Variants in GIMAP5 observed in about 807,000 individuals in gnomAD.
GIMAP5 encodes the protein GTPase, IMAP family member 5.
In GIMAP5, 8 loss-of-function variants were observed where a neutral mutation model predicts 9.9. The ratio of observed to expected loss-of-function variants is 0.81; its 90% confidence interval spans 0.47 to 1.45. The LOEUF is 1.45. Ranked by LOEUF, GIMAP5 falls within the 40% of genes most tolerant of loss-of-function variation. The pLI is 0.00. For synonymous variants in GIMAP5, 174 were observed against 151.4 expected (o/e 1.15, Z -1.09); for missense variants, 353 against 367.4 (o/e 0.96, Z 0.32).
chr7:150,737,728 T>C lies in GIMAP5; in HGVS notation c.-7+20T>C. 6.6e-7 allele frequency: 1 copy of C among 1,524,612 alleles called. No individual in the cohort carries two copies. The highest frequency in any genetic ancestry group is 8.8e-7 in the Non-Finnish European group (1 of 1,137,472). 94.4% of individuals were successfully genotyped at this position (1,524,612 alleles called of 1,614,324 possible). ...TTTCTGGTAAGGAGAACTGGGTTTA[T>C]GCTCACAGAGACTTTGGGAATTGAA... On this transcript the variant is annotated intron_variant, in intron 1 of 2. Coordinates refer to ENST00000358647, the MANE Select transcript of GIMAP5 (RefSeq NM_018384.5).
intron 2 of GIMAP5, 34 bp downstream of exon 2, chr7:150,740,961 A>T (rs1454013718): frequency 3.7e-6 from 6 of 1,611,512 alleles, no homozygotes; most frequent in Non-Finnish European, 5.1e-6. Context: ...AGAGCCCCAG[A>T]CACTTGGGAG....
rs1446692319 is a variant in GIMAP5 at position 150,742,544 on chromosome 7, A to C, written c.405A>C (p.Lys135Asn). ...AQDTVAIRKV[K>N]EVFGTGAMRH... ...ACACAGTGGCCATCAGGAAGGTGAA[A>C]GAGGTCTTTGGGACAGGGGCCATGA... Residue 135 changes from lysine (K) to asparagine (N), a missense_variant, in exon 3 of 3, where the codon AAA becomes AAC. By Grantham distance (94) the Lys-to-Asn change is moderately conservative. Transcript: ENST00000358647. 6.2e-7 allele frequency: 1 copy of C among 1,614,010 alleles called. No individual in the cohort carries two copies. The highest frequency in any genetic ancestry group is 1.7e-5 in the Admixed American group (1 of 59,994).
Position 150,742,195 on chromosome 7 carries a change from A to AT in GIMAP5, c.57dup (p.Asn20Ter). 1.2e-6 allele frequency: 2 copies of AT among 1,613,796 alleles called. No homozygotes were observed. Among genetic ancestry groups the AT allele is most frequent in the Non-Finnish European group, 1.7e-6 (2 of 1,179,722 alleles). On this transcript the variant is annotated frameshift_variant, in exon 3 of 3. Transcript: ENST00000358647. LOFTEE classifies it high-confidence loss of function. ...TCGTTTTCTACAGGTAGATCAGAAG[A>AT]TAACTTGTCTGCAACACCACCGGCA...
rs773424993 is a variant in GIMAP5, at chr7:150,742,787, C to A, written c.648C>A (p.Gly216=). The change falls in exon 3 of 3, where the codon GGC becomes GGA. Residue 216 remains glycine, a synonymous_variant. Coordinates refer to ENST00000358647, the MANE Select transcript of GIMAP5 (RefSeq NM_018384.5). ...AGAGGCTGGGGAGGGAGCGAGAGGG[C>A]TCCTTCCACAGCAATGACCTCTTCT... ...VIERLGRERE[G]SFHSNDLFLD... 6 of 1,613,996 alleles carry A rather than the reference C, an allele frequency of 3.7e-6. No individual in the cohort carries two copies. The highest frequency in any genetic ancestry group is 5.1e-6 in the Non-Finnish European group (6 of 1,180,022).
At chr7:150,737,733 AC>A (rs1292430390) in intron 1 of GIMAP5, 25 bp downstream of exon 1, 1 of 1,516,850 alleles carries the variant, frequency 6.6e-7, no homozygotes, top group Non-Finnish European at 8.8e-7. Context: ...GTTTATGCTC[AC>A]AGAGACTTTG....
chr7:150,742,713 TC>T lies in GIMAP5; in HGVS notation c.575del (p.Ser192LeufsTer15). 6.2e-7 allele frequency: 1 copy of T among 1,614,120 alleles called. No individual in the cohort carries two copies. The highest frequency in any genetic ancestry group is 8.5e-7 in the Non-Finnish European group (1 of 1,180,000). On this transcript the variant is annotated frameshift_variant, in exon 3 of 3. Coordinates refer to ENST00000358647, the MANE Select transcript of GIMAP5 (RefSeq NM_018384.5). LOFTEE classifies it low-confidence loss of function (END_TRUNC). The stretch of plus-strand genomic sequence containing the variant: ...GTACTGTGCCTTCAACAACTGGGGC[TC>T]TGTGGAGGAGCAGAGGCAGCAGCAG... Reference protein sequence around the residue: ...RRYCAFNNWGSVEEQRQQQAE... With the variant: ...RRYCAFNNWGXVEEQRQQQAE...
intron 1 of GIMAP5, chr7:150,738,470 A>G (rs1797548808): frequency 6.6e-6 from 1 of 152,220 alleles, no homozygotes; most frequent in African/African-American, 2.4e-5. Flanking sequence ...GATCTTTTCT[A>G]AAATAGTATG....
intron 1 of GIMAP5, 81 bp downstream of exon 1, chr7:150,737,789 C>A: frequency 8.6e-7 from 1 of 1,161,066 alleles, no homozygotes; most frequent in Non-Finnish European, 1.2e-6. Context: ...TCATTTCTGA[C>A]ATGACCTTGC....
rs1324212057 is a variant in GIMAP5 at position 150,737,684 on chromosome 7, G to A, written c.-31G>A. 1.3e-6 allele frequency: 2 copies of A among 1,535,570 alleles called. No individual in the cohort carries two copies. The highest frequency in any genetic ancestry group is 2.4e-5 in the East Asian group (1 of 40,934). ...GAGCCTCAGTGACTGCCACCCTGGA[G>A]GACAGGGCACAACAACCGTTTCTGG... On this transcript the variant is annotated 5_prime_UTR_variant, in exon 1 of 3. Transcript: ENST00000358647.
rs1797626708 is a variant in GIMAP5 at position 150,742,970 on chromosome 7, CTT to C, written c.832_833del (p.Leu278AspfsTer6). ...AYKALLRVKH[L>X]MLLHYEIFVF... is the part of the protein sequence containing the mutation. ...ACAAGGCGCTCCTCAGAGTCAAACACTTGATGCTTTTGCATTATGAGATTTTT... is the reference window on the plus strand; with the variant it reads ...ACAAGGCGCTCCTCAGAGTCAAACACGATGCTTTTGCATTATGAGATTTTT... On this transcript the variant is annotated frameshift_variant, in exon 3 of 3. Transcript: ENST00000358647. LOFTEE classifies it low-confidence loss of function (END_TRUNC). The C allele has an allele frequency of 6.2e-7, 1 of 1,614,092 alleles. No homozygotes were observed. The highest frequency in any genetic ancestry group is 1.3e-5 in the African/African-American group (1 of 74,930).
chr7:150,742,678 G>T lies in GIMAP5; in HGVS notation c.539G>T (p.Cys180Phe), dbSNP rs779012038. 2 of 1,614,246 alleles carry T rather than the reference G, an allele frequency of 1.2e-6. No individual in the cohort carries two copies. The highest frequency in any genetic ancestry group is 1.7e-6 in the Non-Finnish European group (2 of 1,180,042). ...NCSLKDLVRE[C>F]ERRYCAFNNW... ...AGCCTGAAAGACCTGGTGCGGGAGT[G>T]TGAGAGAAGGTACTGTGCCTTCAAC... Residue 180 changes from cysteine to phenylalanine, a missense_variant, in exon 3 of 3, where the codon TGT becomes TTT. Physicochemically the swap from Cys to Phe is radical, Grantham distance 205. Transcript: ENST00000358647.
At position 150,742,696 on chromosome 7, in the gene GIMAP5, C is replaced by G; in HGVS notation, c.557C>G (p.Ala186Gly). Reference sequence around the variant, plus strand: ...CGGGAGTGTGAGAGAAGGTACTGTGCCTTCAACAACTGGGGCTCTGTGGAG... The same window carrying G: ...CGGGAGTGTGAGAGAAGGTACTGTGGCTTCAACAACTGGGGCTCTGTGGAG... ...LVRECERRYC[A>G]FNNWGSVEEQ... The change falls in exon 3 of 3, where the codon GCC (alanine) becomes GGC (glycine). Residue 186 changes from alanine (A) to glycine (G), a missense_variant. Ala to Gly is a moderately conservative substitution (Grantham distance 60, BLOSUM62 0). Transcript: ENST00000358647. 1 of 1,614,190 alleles carries G rather than the reference C, an allele frequency of 6.2e-7. No individual in the cohort carries two copies. Among genetic ancestry groups the G allele is most frequent in the Non-Finnish European group, 8.5e-7 (1 of 1,180,038 alleles).
Position 150,743,508 on chromosome 7 carries a change from C to T in GIMAP5, c.*445C>T, listed in dbSNP as rs777491411. ...AGTTGGGGCCCCCTGAGCCCTGAGC[C>T]ACCAGCCCTGCAGCCTGCCCTATCT... On this transcript the variant is annotated 3_prime_UTR_variant, in exon 3 of 3. Transcript: ENST00000358647. 1 of 160,836 alleles carries T rather than the reference C, an allele frequency of 6.2e-6. No individual in the cohort carries two copies. 10.0% of individuals were successfully genotyped at this position (160,836 alleles called of 1,614,324 possible).
chr7:150,737,692 C>A lies in GIMAP5; in HGVS notation c.-23C>A. 1 of 1,535,546 alleles carries A rather than the reference C, an allele frequency of 6.5e-7. No homozygotes were observed. The highest frequency in any genetic ancestry group is 8.7e-7 in the Non-Finnish European group (1 of 1,146,772). ...GTGACTGCCACCCTGGAGGACAGGG[C>A]ACAACAACCGTTTCTGGTAAGGAGA... is the stretch of plus-strand genomic sequence containing the variant. On this transcript the variant is annotated 5_prime_UTR_variant, in exon 1 of 3. Transcript: ENST00000358647.
Position 150,740,821 on chromosome 7 carries a change from G to C in GIMAP5, c.-6-58G>C, listed in dbSNP as rs150490020. On this transcript the variant is annotated intron_variant, in intron 1 of 2. Coordinates refer to ENST00000358647, the MANE Select transcript of GIMAP5 (RefSeq NM_018384.5). ...GATGTCTGAATTGAGGTGCCCTCAG[G>C]CTCTACCAGCTCCCAAACGTACATC... 442 of 1,567,290 alleles carry C rather than the reference G, an allele frequency of 2.8e-4. No homozygotes were observed. In the African/African-American group the frequency reaches 5.6e-3, roughly 20 times the overall value.
At position 150,737,967 on chromosome 7, in the gene GIMAP5, C is replaced by G; in HGVS notation, c.-7+259C>G. ...GGCTTTGCTGCCCCATTGCCCATTA[C>G]TTAGCCAAGTCGATCTCCATGAAAC... On this transcript the variant is annotated intron_variant, in intron 1 of 2. Coordinates refer to ENST00000358647, the MANE Select transcript of GIMAP5 (RefSeq NM_018384.5). 7.4e-6 allele frequency: 4 copies of G among 537,492 alleles called. No individual in the cohort carries two copies. In the South Asian group the frequency reaches 8.3e-5, roughly 11 times the overall value. 33.3% of individuals were successfully genotyped at this position (537,492 alleles called of 1,614,324 possible).
At position 150,742,843 on chromosome 7, in the gene GIMAP5, C is replaced by T. The variant is rs1313948583; in HGVS notation, c.704C>T (p.Ala235Val). The T allele has an allele frequency of 3.7e-6, 6 of 1,614,058 alleles. No individual in the cohort carries two copies. Among genetic ancestry groups the T allele is most frequent in the African/African-American group, 1.3e-5 (1 of 74,912 alleles). ...GCCCAGCTGCTCCAAAGAACTGGAG[C>T]TGGGGCCTGCCAGGAAGACTACAGG... ...LDAQLLQRTG[A>V]GACQEDYRQY... Residue 235 changes from alanine to valine, a missense_variant, in exon 3 of 3, where the codon GCT (alanine) becomes GTT (valine). By Grantham distance (64) the Ala-to-Val change is moderately conservative. Coordinates refer to ENST00000358647, the MANE Select transcript of GIMAP5 (RefSeq NM_018384.5).
chr7:150,740,620 A>G (rs1585233703), intron 1 of GIMAP5: 2 of 377,352 alleles, frequency 5.3e-6, no homozygotes, highest in East Asian at 4.6e-5. Flanking sequence ...ATTTGCTTCA[A>G]AATATTTCCT....
At chr7:150,742,078 A>T in intron 2 of GIMAP5, 105 bp from the exon 3 acceptor site, 2 of 1,345,956 alleles carry the variant, frequency 1.5e-6, no homozygotes, top group Non-Finnish European at 2.0e-6. Context: ...TATGTCTGTC[A>T]TTCTGGGGAG....
Sources: allele counts gnomAD v4.1 joint callset, GRCh38; gene constraint gnomAD v4.1.1; transcripts MANE v1.5; gene names NCBI Gene and HGNC (gene_info 2026-07-23, HGNC 2026-07-21).